MYBL1: variants seen among roughly 807,000 people sequenced by gnomAD.
The protein encoded by MYBL1 is MYB proto-oncogene like 1.
MYBL1 carries 17 observed loss-of-function variants against 96.3 expected under a neutral mutation model. The ratio of observed to expected loss-of-function variants is 0.18; its 90% CI spans 0.12 to 0.26. MYBL1 has a LOEUF of 0.26. MYBL1 is among the 10% of genes least tolerant of loss of function. The probability of loss-of-function intolerance (pLI) is 1.00; values close to 1 mark genes in which losing one functional copy is unlikely to be tolerated. For missense variants in MYBL1, 701 were observed against 882.9 expected, an observed-to-expected ratio of 0.79 and a Z score of 2.61; for synonymous variants, 282 against 292.7, an observed-to-expected ratio of 0.96 and a Z score of 0.37.
In MYBL1 at chr8:66,613,132, G is replaced by C; in HGVS notation, c.-294C>G. The C allele has an allele frequency of 2.5e-6, 1 of 402,440 alleles. No homozygotes were observed. Among genetic ancestry groups the C allele is most frequent in the East Asian group, 3.6e-5 (1 of 28,094 alleles). The allele number at this position is 402,440 out of a possible 1,614,324, so 24.9% of individuals were successfully genotyped here. On this transcript the variant is annotated 5_prime_UTR_variant, in exon 1 of 16. Transcript: ENST00000522677. ...CCGCCCTCCGCCGGCTTCTCCCGCC[G>C]CTTGTCAGCCTCCCTGCCCTGGCCC... is the stretch of plus-strand genomic sequence containing the variant.
intron 12 of MYBL1, among the ~76,000 whole-genome samples, chr8:66,567,526 AGT>A (rs111352513): frequency 0.027 from 3,954 of 146,010 alleles, 161 homozygotes; most frequent in African/African-American, 0.086. Context: ...AGAGAGAGTG[AGT>A]GTGTGTGTGT....
chr8:66,573,770 CA>C (rs1317626724), intron 10 of MYBL1, among the ~76,000 whole-genome samples: 2 of 150,828 alleles, frequency 1.3e-5, no homozygotes, highest in Non-Finnish European at 1.5e-5. Flanking sequence ...TCAAAAGTTA[CA>C]AAAAAAATAC....
At chr8:66,570,692 T>A (rs1808694747) in intron 12 of MYBL1, among the ~76,000 whole-genome samples, 1 of 152,210 alleles carries the variant, frequency 6.6e-6, no homozygotes, top group Non-Finnish European at 1.5e-5. Context: ...TAATGATGAA[T>A]TTTTAAAATA....
intron 1 of MYBL1, among the ~76,000 whole-genome samples, chr8:66,609,420 T>C (rs2130079371): frequency 6.6e-6 from 1 of 151,872 alleles, no homozygotes; most frequent in Middle Eastern, 3.4e-3. Context: ...GAAATCTTTA[T>C]CACAGACAAA....
In MYBL1 at chr8:66,572,524, C is replaced by G; in HGVS notation, c.1686G>C (p.Ala562=). 6.2e-7 allele frequency: 1 copy of G among 1,602,144 alleles called. No individual in the cohort carries two copies. The highest frequency in any genetic ancestry group is 1.1e-5 in the South Asian group (1 of 89,068). The change falls in exon 12 of 16, where the codon GCG becomes GCC. Residue 562 remains alanine (A), a synonymous_variant. Coordinates refer to ENST00000522677, the MANE Select transcript of MYBL1 (RefSeq NM_001080416.4). ...TPRTPTPFKN[A]LAAQEKKYGP... ...CATATTTTTTCTCCTGAGCAGCAAG[C>G]GCATTCTTAAAAGGAGTAGGAGTTC... is the stretch of plus-strand genomic sequence containing the variant.
intron 1 of MYBL1, among the ~76,000 whole-genome samples, chr8:66,604,524 A>C (rs1810233171): frequency 6.6e-6 from 1 of 152,082 alleles, no homozygotes; most frequent in African/African-American, 2.4e-5. Flanking sequence ...AAAAAAAAAA[A>C]AGATGGTGTC....
intron 1 of MYBL1, among the ~76,000 whole-genome samples, chr8:66,603,543 T>C (rs1334332900): frequency 6.6e-6 from 1 of 151,402 alleles, no homozygotes; most frequent in East Asian, 1.9e-4. Context: ...CAGGCTGGAG[T>C]GCAGTGGCAC....
chr8:66,587,190 T>C (rs1471392200), intron 8 of MYBL1, among the ~76,000 whole-genome samples: 5 of 152,138 alleles, frequency 3.3e-5, no homozygotes, highest in Non-Finnish European at 7.4e-5. Flanking sequence ...TATTTTCAAA[T>C]AACTATAAAA....
chr8:66,593,063 CT>C, intron 7 of MYBL1, 56 bp downstream of exon 7: 1 of 1,119,296 alleles, frequency 8.9e-7, no homozygotes, highest in South Asian at 1.4e-5. Flanking sequence ...TACTATTAGG[CT>C]TTTAAAAATG....
At chr8:66,609,061 G>A (rs1810428438) in intron 1 of MYBL1, among the ~76,000 whole-genome samples, 1 of 151,958 alleles carries the variant, frequency 6.6e-6, no homozygotes, top group South Asian at 2.1e-4. Flanking sequence ...ACAGTCAAAG[G>A]AAGCACACAA....
intron 1 of MYBL1, among the ~76,000 whole-genome samples, chr8:66,605,630 G>A (rs1458669317): frequency 6.6e-6 from 1 of 152,148 alleles, no homozygotes; most frequent in Non-Finnish European, 1.5e-5. Context: ...AGACCAGCCT[G>A]GCCAACATGG....
At chr8:66,604,099 T>C (rs1056719140) in intron 1 of MYBL1, among the ~76,000 whole-genome samples, 1 of 152,078 alleles carries the variant, frequency 6.6e-6, no homozygotes, top group Non-Finnish European at 1.5e-5. Context: ...CACACATAGA[T>C]AAATGGAACA....
At chr8:66,572,188 C>G (rs1165243198) in intron 12 of MYBL1, among the ~76,000 whole-genome samples, 2 of 151,594 alleles carry the variant, frequency 1.3e-5, no homozygotes, top group African/African-American at 4.8e-5. Flanking sequence ...GGTGTGGTGG[C>G]GGGCACCTGT....
At chr8:66,607,142 A>C (rs1238015261) in intron 1 of MYBL1, among the ~76,000 whole-genome samples, 42 of 152,108 alleles carry the variant, frequency 2.8e-4, no homozygotes, top group African/African-American at 8.4e-4. Flanking sequence ...AAAAAAAAAA[A>C]AAAAAAAACT....
intron 3 of MYBL1, among the ~76,000 whole-genome samples, chr8:66,601,164 C>T (rs368707841): frequency 2.9e-5 from 3 of 104,796 alleles, no homozygotes; most frequent in East Asian, 2.6e-4. Flanking sequence ...GCAACAAGAG[C>T]GAAACTCCGT....
At chr8:66,579,375 G>C (rs532009302) in intron 9 of MYBL1, among the ~76,000 whole-genome samples, 1 of 151,876 alleles carries the variant, frequency 6.6e-6, no homozygotes, top group East Asian at 1.9e-4. Context: ...TTCAAATTTA[G>C]GCCAGGCATG....
intron 10 of MYBL1, among the ~76,000 whole-genome samples, chr8:66,575,473 A>C (rs112896600): frequency 0.015 from 2,237 of 152,244 alleles, 65 homozygotes; most frequent in African/African-American, 0.051. Context: ...GATAAAGAAA[A>C]TGTCCCTCTA....
chr8:66,610,741 A>C (rs1475065392), intron 1 of MYBL1, among the ~76,000 whole-genome samples: 2 of 152,144 alleles, frequency 1.3e-5, no homozygotes, highest in African/African-American at 4.8e-5. Flanking sequence ...AGATATGTAA[A>C]TCATATTTAC....
chr8:66,604,848 G>A (rs1191486336), intron 1 of MYBL1, among the ~76,000 whole-genome samples: 1 of 152,182 alleles, frequency 6.6e-6, no homozygotes, highest in East Asian at 1.9e-4. Context: ...GAAAACATAA[G>A]TAGAGCTATT....
Sources: gnomAD v4.1 joint callset for allele counts (sites outside exome capture counted in the v4.1 genomes callset) on GRCh38, gnomAD v4.1.1 for gene constraint, MANE v1.5 for transcripts, NCBI Gene and HGNC (gene_info 2026-07-23, HGNC 2026-07-21) for gene names.